TENM3: variants seen among roughly 807,000 people sequenced by gnomAD.
TENM3 encodes the protein teneurin transmembrane protein 3, also known as teneurin-3.
TENM3 carries 63 observed loss-of-function variants against 255.1 expected under a neutral mutation model. That is an observed-to-expected ratio of 0.25 (90% CI 0.20 to 0.30). The LOEUF (loss-of-function observed/expected upper bound fraction) is 0.30, where lower values mean the gene tolerates loss of function less well. Ranked by LOEUF, TENM3 falls within the 10% of genes least tolerant of loss-of-function variation. The probability of loss-of-function intolerance (pLI) is 1.00; values close to 1 mark genes in which losing one functional copy is unlikely to be tolerated. For missense variants in TENM3, 2,929 were observed against 3,461.1 expected (o/e 0.85, Z 3.86); for synonymous variants, 1,306 against 1,322.3 (o/e 0.99, Z 0.27).
At chr4:181,638,858 G>C in the TENM3 span, among the ~76,000 whole-genome samples, 1 of 152,112 alleles carries the variant, frequency 6.6e-6, no homozygotes, top group Non-Finnish European at 1.5e-5. Flanking sequence ...AGGGCAATTA[G>C]CTTCTAAATT....
Position 182,213,136 on chromosome 4 carries a change from G to T in TENM3, c.-76+68382G>T, listed in dbSNP as rs183017627. 1.5e-3 allele frequency among the ~76,000 whole-genome samples: 223 copies of T among 152,296 alleles called. 1 individual carries two copies. Among genetic ancestry groups the T allele is most frequent in the Non-Finnish European group, 2.2e-3 (153 of 68,038 alleles). ...GGAAAACCAGATCTTCCCAGTAACT[G>T]GCAGTCCTATTATAAGTGGATATTC... On this transcript the variant is annotated intron_variant, in intron 1 of 2. Transcript: ENST00000512480.
At chr4:182,111,793 G>GATTT in the TENM3 span, among the ~76,000 whole-genome samples, 1 of 152,138 alleles carries the variant, frequency 6.6e-6, no homozygotes, top group Non-Finnish European at 1.5e-5. Context: ...TGCTGTAACA[G>GATTT]ATTTACTCAG....
At chr4:181,450,665 A>G in the TENM3 span, among the ~76,000 whole-genome samples, 1 of 152,182 alleles carries the variant, frequency 6.6e-6, no homozygotes, top group Non-Finnish European at 1.5e-5. Context: ...TTTAAATTTC[A>G]TTTCATGTTT....
chr4:182,718,036 C>A (rs867006738), intron 13 of TENM3, among the ~76,000 whole-genome samples: 10 of 152,096 alleles, frequency 6.6e-5, no homozygotes, highest in African/African-American at 1.7e-4. Context: ...TCTGCCCTGT[C>A]TCACAGTGAA....
intron 1 of TENM3, among the ~76,000 whole-genome samples, chr4:182,254,307 CT>C (rs1441804708): frequency 6.7e-6 from 1 of 149,622 alleles, no homozygotes. Context: ...CATTCTCTCC[CT>C]TTTTTGAGGA....
At chr4:181,686,105 C>T in the TENM3 span, among the ~76,000 whole-genome samples, 1 of 152,100 alleles carries the variant, frequency 6.6e-6, no homozygotes, top group Non-Finnish European at 1.5e-5. Flanking sequence ...TAGTTTTACT[C>T]ATCTTTGTAG....
chr4:182,613,685 A>G (rs985219253), intron 4 of TENM3, among the ~76,000 whole-genome samples: 1 of 152,224 alleles, frequency 6.6e-6, no homozygotes, highest in Non-Finnish European at 1.5e-5. Flanking sequence ...CTTGGTTAAC[A>G]CACATAATGC....
At chr4:182,092,058 A>G in the TENM3 span, among the ~76,000 whole-genome samples, 1 of 152,194 alleles carries the variant, frequency 6.6e-6, no homozygotes, top group Non-Finnish European at 1.5e-5. Flanking sequence ...AGAATAAACT[A>G]CAAGGCCACG....
At chr4:181,842,154 T>A in the TENM3 span, among the ~76,000 whole-genome samples, 1 of 152,148 alleles carries the variant, frequency 6.6e-6, no homozygotes, top group Admixed American at 6.5e-5. Context: ...AATGTAATAA[T>A]TACATATTAT....
At position 182,417,384 on chromosome 4, in the gene TENM3, C is replaced by T. The variant is rs946673505; in HGVS notation, c.511+70455C>T. Among the ~76,000 whole-genome samples the T allele has an allele frequency of 3.3e-5, 5 of 152,226 alleles. No individual in the cohort carries two copies. The East Asian group carries it at 9.7e-4, about 29-fold the overall frequency. ...AACATTTTAATATTTATTAGTTTCT[C>T]ACTAATTAAATATAAACATATAATA... is the stretch of plus-strand genomic sequence containing the variant. On this transcript the variant is annotated intron_variant, in intron 3 of 27. Transcript: ENST00000511685.
Position 182,800,686 on chromosome 4 carries a change from G to GA in TENM3, c.*344dup, listed in dbSNP as rs111839761. 2.1e-3 allele frequency: 401 copies of GA among 192,528 alleles called. 7 individuals carry two copies. In the East Asian group the frequency reaches 0.034, roughly 17 times the overall value. 11.9% of individuals were successfully genotyped at this position (192,528 alleles called of 1,614,324 possible). A position where few individuals can be genotyped will look rare whatever the true frequency, so the allele number is the denominator to read the frequency against. ...ACTGTATTTAACTAACTTTAAAAAA[G>GA]AAAAAAAAATGTGTACAGTGTTTCC... On this transcript the variant is annotated 3_prime_UTR_variant, in exon 28 of 28. Coordinates refer to ENST00000511685, the MANE Select transcript of TENM3 (RefSeq NM_001080477.4).
chr4:182,148,329 G>A lies in TENM3; in HGVS notation c.-76+3575G>A, dbSNP rs560340463. On this transcript the variant is annotated intron_variant, in intron 1 of 2. Coordinates refer to the TENM3 transcript ENST00000512480. The stretch of plus-strand genomic sequence containing the variant: ...CTTGAAAAGTCATTTGTTTCCAAAC[G>A]AGTGTGATGGCTTGTATGAGTTTCA... Among the ~76,000 whole-genome samples the A allele has an allele frequency of 9.9e-5, 15 of 152,218 alleles. No homozygotes were observed. The South Asian group carries it at 2.7e-3, about 27-fold the overall frequency.
the TENM3 span, among the ~76,000 whole-genome samples, chr4:181,597,979 G>A: frequency 6.6e-6 from 1 of 152,108 alleles, no homozygotes; most frequent in Non-Finnish European, 1.5e-5. Flanking sequence ...ACCATTCTGT[G>A]GGTCATCCCC....
At chr4:182,602,505 A>G (rs187482658) in intron 4 of TENM3, among the ~76,000 whole-genome samples, 2 of 152,338 alleles carry the variant, frequency 1.3e-5, no homozygotes, top group East Asian at 1.9e-4. Context: ...AGTTGTCAAC[A>G]ATGAAAGTCT....
the TENM3 span, among the ~76,000 whole-genome samples, chr4:181,501,978 C>T: frequency 3.3e-5 from 5 of 152,222 alleles, no homozygotes; most frequent in East Asian, 1.9e-4. Flanking sequence ...CACAAGCATT[C>T]GGATTAACAG....
chr4:182,397,135 A>T (rs1216170397), intron 3 of TENM3, among the ~76,000 whole-genome samples: 1 of 151,914 alleles, frequency 6.6e-6, no homozygotes, highest in Non-Finnish European at 1.5e-5. Context: ...TGTGTAAAAA[A>T]GGGAAAAATC....
At chr4:181,708,925 A>T in the TENM3 span, among the ~76,000 whole-genome samples, 2 of 152,234 alleles carry the variant, frequency 1.3e-5, no homozygotes, top group African/African-American at 2.4e-5. Flanking sequence ...TATCTGAGAT[A>T]GGGCTAAAAT....
the TENM3 span, among the ~76,000 whole-genome samples, chr4:181,897,651 G>A: frequency 2.0e-5 from 3 of 152,184 alleles, no homozygotes; most frequent in African/African-American, 7.2e-5. Flanking sequence ...CTGAAAGTTA[G>A]AGATCACTGG....
At chr4:182,483,392 G>C (rs1734387624) in intron 3 of TENM3, among the ~76,000 whole-genome samples, 1 of 152,172 alleles carries the variant, frequency 6.6e-6, no homozygotes, top group Non-Finnish European at 1.5e-5. Flanking sequence ...CCAATGACTT[G>C]ATGCTAGTTT....
Sources: gnomAD v4.1 joint callset for allele counts (sites outside exome capture counted in the v4.1 genomes callset) on GRCh38, gnomAD v4.1.1 for gene constraint, MANE v1.5 for transcripts, NCBI Gene and HGNC (gene_info 2026-07-23, HGNC 2026-07-21) for gene names.